RILPL1: variants seen among roughly 807,000 people sequenced by gnomAD.
RILPL1 encodes Rab interacting lysosomal protein like 1.
A neutral mutation model predicts 50.3 loss-of-function variants in RILPL1; 33 were observed. That is an observed-to-expected ratio of 0.66 (90% CI 0.50 to 0.88). The LOEUF (loss-of-function observed/expected upper bound fraction) is 0.88, where lower values mean the gene tolerates loss of function less well. RILPL1 is among the 40% of genes least tolerant of loss of function. The probability of loss-of-function intolerance (pLI) is 0.00; values close to 1 mark genes in which losing one functional copy is unlikely to be tolerated. For synonymous variants in RILPL1, 205 were observed against 228.6 expected (o/e 0.90, Z 0.93); for missense variants, 418 against 542.5 (o/e 0.77, Z 2.28).
Position 123,491,030 on chromosome 12 carries a change from G to A in RILPL1, c.802-5225C>T, listed in dbSNP as rs1019579233. 3.3e-5 allele frequency among the ~76,000 whole-genome samples: 5 copies of A among 152,172 alleles called. No individual in the cohort carries two copies. The highest frequency in any genetic ancestry group is 6.5e-5 in the Admixed American group (1 of 15,270). ...CTCCCAAAGTGTTGGGATTACAGGCGTGAGCCACCATGCCCGCCCTGACTT... is the reference window on the plus strand; with the variant it reads ...CTCCCAAAGTGTTGGGATTACAGGCATGAGCCACCATGCCCGCCCTGACTT... On this transcript the variant is annotated intron_variant, in intron 4 of 6. Coordinates refer to ENST00000376874, the MANE Select transcript of RILPL1 (RefSeq NM_178314.5). This position sits in a 1 kb window ranked among gnomAD's most constrained non-coding sequence, Gnocchi z 4.0.
intron 1 of RILPL1, among the ~76,000 whole-genome samples, chr12:123,531,866 G>A (rs530667205): frequency 6.6e-6 from 1 of 152,268 alleles, no homozygotes; most frequent in African/African-American, 2.4e-5. Context: ...GCTTCTAGGA[G>A]TCTTGAAATT....
Position 123,489,230 on chromosome 12 carries a change from A to AGCTT in RILPL1, c.802-3426_802-3425insAAGC, listed in dbSNP as rs1882536034. ...GGCTGAAGAGAAGATACACATAAATAGAAGCTTAAGGCCAGGTGTGGTGGC... is the reference window on the plus strand; with the variant it reads ...GGCTGAAGAGAAGATACACATAAATAGCTTGAAGCTTAAGGCCAGGTGTGGTGGC... On this transcript the variant is annotated intron_variant, in intron 4 of 6. Transcript: ENST00000376874. The surrounding 1 kb of genome is among the most constrained non-coding windows in gnomAD (Gnocchi z 4.0). Among the ~76,000 whole-genome samples, 1 of 152,290 alleles carries AGCTT rather than the reference A, an allele frequency of 6.6e-6. No individual in the cohort carries two copies. The highest frequency in any genetic ancestry group is 1.9e-4 in the East Asian group (1 of 5,184).
intron 2 of RILPL1, among the ~76,000 whole-genome samples, chr12:123,505,509 A>G (rs1883689394): frequency 6.6e-6 from 1 of 152,018 alleles, no homozygotes; most frequent in Admixed American, 6.6e-5. Flanking sequence ...ATTTTTTTTA[A>G]GTCTCACTGT....
chr12:123,476,915 G>A (rs1331938595), intron 6 of RILPL1, among the ~76,000 whole-genome samples: 4 of 152,202 alleles, frequency 2.6e-5, no homozygotes, highest in Admixed American at 2.6e-4. Flanking sequence ...GGCAAAATAC[G>A]CTGTGGGAGG....
At chr12:123,530,043 T>G (rs1012196664) in intron 1 of RILPL1, among the ~76,000 whole-genome samples, 11 of 152,188 alleles carry the variant, frequency 7.2e-5, no homozygotes, top group Middle Eastern at 3.4e-3. Context: ...TTCAAAGATG[T>G]AGTAGGAAAA....
chr12:123,480,664 G>T (rs535175864), intron 6 of RILPL1, among the ~76,000 whole-genome samples: 10 of 151,860 alleles, frequency 6.6e-5, no homozygotes, highest in Non-Finnish European at 1.2e-4. Context: ...GAGTGGGGCT[G>T]GCGAGTGAGT....
chr12:123,511,738 G>A (rs1225639840), intron 2 of RILPL1, among the ~76,000 whole-genome samples: 6 of 139,528 alleles, frequency 4.3e-5, no homozygotes, highest in Non-Finnish European at 7.8e-5. Flanking sequence ...TGTGTGTGGT[G>A]TGTGTGAGGT....
intron 1 of RILPL1, among the ~76,000 whole-genome samples, chr12:123,531,491 T>G (rs975665989): frequency 1.3e-5 from 2 of 151,972 alleles, no homozygotes; most frequent in Admixed American, 6.6e-5. Flanking sequence ...ACGAGAGAAT[T>G]TCCAAGGTCC....
intron 2 of RILPL1, chr12:123,519,781 GA>G (rs1440804201): frequency 6.6e-6 from 1 of 152,262 alleles, no homozygotes; most frequent in East Asian, 1.9e-4. Context: ...ACTCAGGCAG[GA>G]GGGCTGCTGC....
intron 2 of RILPL1, among the ~76,000 whole-genome samples, chr12:123,503,426 C>T (rs1183796898): frequency 6.6e-6 from 1 of 151,678 alleles, no homozygotes; most frequent in Non-Finnish European, 1.5e-5. Context: ...GTCTCAAACT[C>T]CTGACCTCAA....
chr12:123,476,444 GAAAAAAAA>G (rs1300573557), intron 6 of RILPL1, among the ~76,000 whole-genome samples: 1 of 146,798 alleles, frequency 6.8e-6, no homozygotes, highest in Non-Finnish European at 1.5e-5. Context: ...TCCATCTCAA[GAAAAAAAA>G]GAAAAAAAGA....
chr12:123,507,133 T>C (rs1466355403), intron 2 of RILPL1, among the ~76,000 whole-genome samples: 1 of 152,188 alleles, frequency 6.6e-6, no homozygotes, highest in Non-Finnish European at 1.5e-5. Flanking sequence ...GAAATTCGTT[T>C]GGCCTTACCT....
At chr12:123,495,679 T>G (rs1409294276) in intron 4 of RILPL1, among the ~76,000 whole-genome samples, 1 of 58,244 alleles carries the variant, frequency 1.7e-5, no homozygotes, top group African/African-American at 1.5e-4. Context: ...TGGCCCCAGT[T>G]TTTTTTTTTT....
intron 2 of RILPL1, among the ~76,000 whole-genome samples, chr12:123,517,592 T>C (rs182434563): frequency 2.0e-4 from 31 of 152,062 alleles, no homozygotes; most frequent in Non-Finnish European, 2.5e-4. Flanking sequence ...TGGCTACTTA[T>C]TGTATTTTTT....
At chr12:123,508,426 ACT>A (rs1196328967) in intron 2 of RILPL1, among the ~76,000 whole-genome samples, 3 of 152,054 alleles carry the variant, frequency 2.0e-5, no homozygotes, top group Admixed American at 6.6e-5. Flanking sequence ...CAAAAAACCC[ACT>A]GAGTTGTCCA....
At chr12:123,478,084 C>G (rs999241195) in intron 6 of RILPL1, among the ~76,000 whole-genome samples, 1 of 147,750 alleles carries the variant, frequency 6.8e-6, no homozygotes, top group Non-Finnish European at 1.5e-5. Flanking sequence ...GCAGCCGCGA[C>G]CTCCTGGGCT....
rs745522190 is a variant in RILPL1 at position 123,533,350 on chromosome 12, G to A, written c.133C>T (p.His45Tyr). 6.3e-7 allele frequency: 1 copy of A among 1,578,448 alleles called. No individual in the cohort carries two copies. The highest frequency in any genetic ancestry group is 8.6e-7 in the Non-Finnish European group (1 of 1,164,458). ...GHEFERVIDQ[H>Y]GCEAIARLMP... ...AGGCGCGCGATGGCCTCGCAGCCGT[G>A]CTGGTCAATGACCCGCTCGAACTCG... The change falls in exon 1 of 7, where the codon CAC becomes TAC. Residue 45 changes from histidine to tyrosine, a missense_variant. Coordinates refer to ENST00000376874, the MANE Select transcript of RILPL1 (RefSeq NM_178314.5). This position sits in a 1 kb window ranked among gnomAD's most constrained non-coding sequence, Gnocchi z 6.2.
intron 1 of RILPL1, among the ~76,000 whole-genome samples, chr12:123,526,139 C>A (rs1436308402): frequency 6.6e-6 from 1 of 151,914 alleles, no homozygotes; most frequent in Non-Finnish European, 1.5e-5. Context: ...AACCCCGTCT[C>A]TACTGAAAAT....
chr12:123,499,934 CTT>C (rs753410387), intron 2 of RILPL1, among the ~76,000 whole-genome samples: 11 of 144,736 alleles, frequency 7.6e-5, no homozygotes, highest in East Asian at 2.0e-4. Flanking sequence ...CCATGTATTA[CTT>C]TTTTTTTTTT....
Sources: allele counts gnomAD v4.1 joint callset (sites outside exome capture counted in the v4.1 genomes callset), GRCh38; gene constraint gnomAD v4.1.1; non-coding constraint Gnocchi (gnomAD v3.1); transcripts MANE v1.5; gene names NCBI Gene and HGNC (gene_info 2026-07-23, HGNC 2026-07-21).